Variants in GAR1 observed in about 807,000 individuals in gnomAD.
GAR1 encodes H/ACA ribonucleoprotein complex subunit 1.
A neutral mutation model predicts 29.3 loss-of-function variants in GAR1; 11 were observed. That is an observed-to-expected ratio of 0.38 (90% confidence interval 0.24 to 0.62). GAR1 has a LOEUF of 0.62. Among genes scored for constraint, GAR1 ranks in the 20% least tolerant of loss-of-function variants. The pLI, the probability that GAR1 is intolerant of heterozygous loss-of-function variation, is 0.62. For missense variants in GAR1, 237 were observed against 268.4 expected, an observed-to-expected ratio of 0.88 and a Z score of 0.82; for synonymous variants, 87 against 93.3, an observed-to-expected ratio of 0.93 and a Z score of 0.39.
At chr4:109,817,472 A>G (rs11728916) in intron 2 of GAR1, among the ~76,000 whole-genome samples, 27 of 145,492 alleles carry the variant, frequency 1.9e-4, no homozygotes, top group Non-Finnish European at 3.4e-4. Flanking sequence ...AGGCAAGAGA[A>G]AAAAAAAAAG....
At chr4:109,821,531 G>A (rs1173237365) in intron 4 of GAR1, among the ~76,000 whole-genome samples, 1 of 152,116 alleles carries the variant, frequency 6.6e-6, no homozygotes, top group Non-Finnish European at 1.5e-5. Context: ...ATTATAGGAT[G>A]GGTATAGTTT....
At chr4:109,823,438 T>G (rs1478290770) in intron 5 of GAR1, among the ~76,000 whole-genome samples, 1 of 152,222 alleles carries the variant, frequency 6.6e-6, no homozygotes, top group Non-Finnish European at 1.5e-5. Flanking sequence ...CATGTTATGT[T>G]GAGTATCATT....
At chr4:109,817,648 G>C (rs1733391144) in intron 2 of GAR1, among the ~76,000 whole-genome samples, 1 of 152,194 alleles carries the variant, frequency 6.6e-6, no homozygotes, top group South Asian at 2.1e-4. Context: ...TCCATTGAGT[G>C]CTTACATTAC....
intron 5 of GAR1, among the ~76,000 whole-genome samples, chr4:109,823,034 G>A (rs1166806695): frequency 6.6e-6 from 1 of 152,176 alleles, no homozygotes; most frequent in Non-Finnish European, 1.5e-5. Context: ...TCTCACTGTT[G>A]TGATGTATGC....
intron 1 of GAR1, 43 bp downstream of exon 1, chr4:109,815,847 T>C: frequency 2.8e-6 from 1 of 354,282 alleles, no homozygotes; most frequent in Non-Finnish European, 5.1e-6. Flanking sequence ...ATGCTGGACG[T>C]GGAACCCAAC....
In GAR1 at chr4:109,824,517, G is replaced by GA; in HGVS notation, c.*88dup. ...ACTATGGATTGGAAACTTGTTTCTT[G>GA]AACAAGTCTTGAAGATCTTGGTCAT... is the stretch of plus-strand genomic sequence containing the variant. On this transcript the variant is annotated 3_prime_UTR_variant, in exon 7 of 7. Transcript: ENST00000226796. 3.0e-6 allele frequency: 3 copies of GA among 991,440 alleles called. No homozygotes were observed. The highest frequency in any genetic ancestry group is 1.6e-5 in the African/African-American group (1 of 62,644). The allele number at this position is 991,440 out of a possible 1,614,324, so 61.4% of individuals were successfully genotyped here.
intron 2 of GAR1, 34 bp downstream of exon 2, chr4:109,816,412 G>A: frequency 6.3e-7 from 1 of 1,592,320 alleles, no homozygotes. Flanking sequence ...TTATTTGAAG[G>A]AGTAGGTGTG....
At chr4:109,823,349 T>A (rs1733569927) in intron 5 of GAR1, among the ~76,000 whole-genome samples, 1 of 152,130 alleles carries the variant, frequency 6.6e-6, no homozygotes, top group African/African-American at 2.4e-5. Flanking sequence ...CATAAAGGTA[T>A]TTTTTTGTGT....
intron 5 of GAR1, among the ~76,000 whole-genome samples, chr4:109,823,466 C>G (rs141288303): frequency 1.6e-4 from 25 of 152,056 alleles, no homozygotes; most frequent in Admixed American, 1.4e-3. Context: ...TCAAAAAATT[C>G]ACAGCTGTCT....
Position 109,816,324 on chromosome 4 carries a change from G to T in GAR1, c.160G>T (p.Gly54Cys). The change falls in exon 2 of 7, where the codon GGC (glycine) becomes TGC (cysteine). Residue 54 changes from glycine (G) to cysteine (C), a missense_variant. Transcript: ENST00000226796. ...GGRGGFGRGG[G>C]RGGFNKGQDQ... Reference sequence around the variant, plus strand: ...CAGGGGAGGATTTGGACGAGGGGGTGGCCGCGGAGGCTTTAACAAAGGCCA... The same window carrying T: ...CAGGGGAGGATTTGGACGAGGGGGTTGCCGCGGAGGCTTTAACAAAGGCCA... The T allele has an allele frequency of 6.2e-7, 1 of 1,613,612 alleles. No individual in the cohort carries two copies. Among genetic ancestry groups the T allele is most frequent in the Non-Finnish European group, 8.5e-7 (1 of 1,179,852 alleles).
intron 4 of GAR1, among the ~76,000 whole-genome samples, chr4:109,819,807 A>G (rs780607232): frequency 2.0e-5 from 3 of 152,240 alleles, no homozygotes; most frequent in Non-Finnish European, 2.9e-5. Flanking sequence ...CAGTATGTGC[A>G]GTCTCTGAGA....
intron 1 of GAR1, 135 bp downstream of exon 1, chr4:109,815,939 G>A (rs1733336430): frequency 8.4e-6 from 5 of 595,994 alleles, no homozygotes; most frequent in Non-Finnish European, 1.2e-5. Context: ...ATCATGGGGC[G>A]GCAAGGGTGG....
chr4:109,816,507 G>C (rs1346150361), intron 2 of GAR1, 129 bp downstream of exon 2: 1 of 865,994 alleles, frequency 1.2e-6, no homozygotes, highest in Non-Finnish European at 1.8e-6. Context: ...GGAGTGGGGA[G>C]ATCAAGAAAG....
At chr4:109,823,826 T>C (rs1288741382) in intron 5 of GAR1, 139 bp from the exon 6 acceptor site, 1 of 466,674 alleles carries the variant, frequency 2.1e-6, no homozygotes. Flanking sequence ...AATCTATATT[T>C]ATTCATTATA....
At position 109,816,203 on chromosome 4, in the gene GAR1, A is replaced by G. The variant is rs147947279; in HGVS notation, c.39A>G (p.Arg13=). Reference sequence around the variant, plus strand: ...GCGGAGGTCGTGGAGGCTTTAATCGAGGTGGTGGAGGTGGCGGCTTCAACC... The same window carrying G: ...GCGGAGGTCGTGGAGGCTTTAATCGGGGTGGTGGAGGTGGCGGCTTCAACC... The part of the protein sequence containing the change: ...FRGGGRGGFN[R]GGGGGGFNRG... The change falls in exon 2 of 7, where the codon CGA becomes CGG. Residue 13 remains arginine (R), a synonymous_variant. Coordinates refer to ENST00000226796, the MANE Select transcript of GAR1 (RefSeq NM_018983.4). The G allele has an allele frequency of 1.4e-4, 228 of 1,611,678 alleles. 1 individual carries two copies. The highest frequency in any genetic ancestry group is 8.4e-5 in the Admixed American group (5 of 59,866).
chr4:109,820,828 C>A (rs1402429574), intron 4 of GAR1, among the ~76,000 whole-genome samples: 1 of 152,002 alleles, frequency 6.6e-6, no homozygotes, highest in East Asian at 1.9e-4. Flanking sequence ...GGCAAGTACT[C>A]AGGGGATTGA....
At chr4:109,819,725 A>G (rs1733461468) in intron 4 of GAR1, 1 of 152,470 alleles carries the variant, frequency 6.6e-6, no homozygotes, top group African/African-American at 2.4e-5. Flanking sequence ...ATTTTGATGT[A>G]GTTAGTCAAA....
At chr4:109,815,958 C>T (rs1218395070) in intron 1 of GAR1, 154 bp downstream of exon 1, 3 of 632,088 alleles carry the variant, frequency 4.7e-6, no homozygotes, top group East Asian at 5.3e-5. Context: ...GGTGTGTGGT[C>T]GGTCGGCGCT....
At chr4:109,816,532 G>A (rs1733358205) in intron 2 of GAR1, among the ~76,000 whole-genome samples, 154 bp downstream of exon 2, 1 of 152,168 alleles carries the variant, frequency 6.6e-6, no homozygotes, top group Admixed American at 6.5e-5. Flanking sequence ...GGGATACTTA[G>A]AATGCATCTT....
Sources: allele counts gnomAD v4.1 joint callset (sites outside exome capture counted in the v4.1 genomes callset), GRCh38; gene constraint gnomAD v4.1.1; transcripts MANE v1.5; gene names NCBI Gene and HGNC (gene_info 2026-07-23, HGNC 2026-07-21).